KRT8: variants seen among roughly 807,000 people sequenced by gnomAD.
The protein encoded by KRT8 is keratin, type II cytoskeletal 8.
Under a neutral mutation model 43.0 loss-of-function variants are expected in KRT8, and 24 were observed. The observed-to-expected ratio is 0.56, with a 90% CI of 0.40 to 0.78. KRT8 has a LOEUF of 0.78. Among genes scored for constraint, KRT8 ranks in the 30% least tolerant of loss-of-function variants. The pLI, the probability that KRT8 is intolerant of heterozygous loss-of-function variation, is 0.00. For missense variants in KRT8, 492 were observed against 638.4 expected, an observed-to-expected ratio of 0.77 and a Z score of 2.47; for synonymous variants, 214 against 261.2, an observed-to-expected ratio of 0.82 and a Z score of 1.74.
In KRT8 at chr12:52,933,256, C is replaced by T. The variant is rs569308020; in HGVS notation, c.-47+16200G>A. Among the ~76,000 whole-genome samples, 16 of 152,134 alleles carry T rather than the reference C, an allele frequency of 1.1e-4. No homozygotes were observed. The South Asian group carries it at 3.1e-3, about 30-fold the overall frequency. On this transcript the variant is annotated intron_variant, in intron 2 of 6. Transcript: ENST00000546826. Reference sequence around the variant, plus strand: ...CCACCATGCCGGCCTCACAAAATTACGTTTCTATATACTGGCAATGAGAAA... The same window carrying T: ...CCACCATGCCGGCCTCACAAAATTATGTTTCTATATACTGGCAATGAGAAA...
intron 2 of KRT8, among the ~76,000 whole-genome samples, chr12:52,935,378 CAAAAAAAAAA>C (rs71092794): frequency 1.7e-4 from 4 of 23,752 alleles, no homozygotes; most frequent in African/African-American, 7.8e-4. Flanking sequence ...GACTCTGTCT[CAAAAAAAAAA>C]AAAAAAAAAA....
At chr12:52,904,161 A>T (rs2120579322) in intron 1 of KRT8, among the ~76,000 whole-genome samples, 1 of 152,118 alleles carries the variant, frequency 6.6e-6, no homozygotes, top group South Asian at 2.1e-4. Flanking sequence ...AAAATCACAA[A>T]GGCACCACTG....
chr12:52,937,901 G>A (rs2120718853), intron 2 of KRT8, among the ~76,000 whole-genome samples: 1 of 149,916 alleles, frequency 6.7e-6, no homozygotes, highest in Non-Finnish European at 1.5e-5. Context: ...TCGGGAGACT[G>A]AGGCAAGAGA....
At chr12:52,928,214 C>G (rs11613918) in intron 2 of KRT8, among the ~76,000 whole-genome samples, 53,445 of 152,026 alleles carry the variant, frequency 0.35, 9,745 homozygotes, top group Middle Eastern at 0.42. Flanking sequence ...GAAAAGACAG[C>G]AAAGGCTTCA....
chr12:52,938,152 A>ATG (rs1942201444), intron 2 of KRT8, among the ~76,000 whole-genome samples: 3 of 32,486 alleles, frequency 9.2e-5, no homozygotes, highest in East Asian at 2.3e-3. Flanking sequence ...ATATATATAT[A>ATG]TATATATATA....
At chr12:52,916,380 C>T (rs1941740982) in intron 2 of KRT8, among the ~76,000 whole-genome samples, 2 of 152,184 alleles carry the variant, frequency 1.3e-5, no homozygotes, top group Non-Finnish European at 1.5e-5. Context: ...ACTGCATGGG[C>T]GTGAGTCCAA....
chr12:52,927,676 G>A (rs895049206), intron 2 of KRT8, among the ~76,000 whole-genome samples: 1 of 152,202 alleles, frequency 6.6e-6, no homozygotes, highest in African/African-American at 2.4e-5. Flanking sequence ...CTGGGGATGG[G>A]CAGTCCTGAG....
chr12:52,915,126 CT>C (rs1941709744), intron 2 of KRT8, among the ~76,000 whole-genome samples: 1 of 152,184 alleles, frequency 6.6e-6, no homozygotes, highest in Non-Finnish European at 1.5e-5. Flanking sequence ...GTAATCCCAG[CT>C]CTTTGGGAGG....
intron 2 of KRT8, among the ~76,000 whole-genome samples, chr12:52,942,126 T>C (rs1394653519): frequency 1.3e-5 from 2 of 152,306 alleles, no homozygotes; most frequent in Admixed American, 1.3e-4. Flanking sequence ...CAGGTCACTA[T>C]TGGTGGAAGT....
At chr12:52,914,275 G>A (rs1232556540) in intron 2 of KRT8, among the ~76,000 whole-genome samples, 1 of 150,956 alleles carries the variant, frequency 6.6e-6, no homozygotes, top group Middle Eastern at 3.4e-3. Context: ...AGTGGCTCAC[G>A]CCTGTAATCC....
At chr12:52,902,218 T>C (rs539636717) in intron 1 of KRT8, 146 bp from the exon 2 acceptor site, 1 of 655,362 alleles carries the variant, frequency 1.5e-6, no homozygotes, top group African/African-American at 1.8e-5. Flanking sequence ...TCTGGAAAGA[T>C]CACCTATGAC....
chr12:52,926,267 T>A, intron 2 of KRT8: 1 of 683,450 alleles, frequency 1.5e-6, no homozygotes, highest in Non-Finnish European at 2.5e-6. Flanking sequence ...CCCGTTGCCT[T>A]CAGAATAAAG....
rs186936513 is a variant in KRT8, at chr12:52,923,166, G to T, written c.-46-18139C>A. On this transcript the variant is annotated intron_variant, in intron 2 of 6. Transcript: ENST00000546826. ...TAGGATGTGTGATTAAAATCAAAGCGTTCTAAGGTTTATGATGAAAATTAA... is the reference window on the plus strand; with the variant it reads ...TAGGATGTGTGATTAAAATCAAAGCTTTCTAAGGTTTATGATGAAAATTAA... Among the ~76,000 whole-genome samples, 3 of 152,236 alleles carry T rather than the reference G, an allele frequency of 2.0e-5. No individual in the cohort carries two copies. The East Asian group carries it at 5.8e-4, about 29-fold the overall frequency.
intron 1 of KRT8, among the ~76,000 whole-genome samples, chr12:52,903,883 C>T (rs1941441899): frequency 7.1e-6 from 1 of 141,430 alleles, no homozygotes; most frequent in Admixed American, 6.9e-5. Flanking sequence ...CCCCACCCCA[C>T]CCACACCGCC....
exon 5 of KRT8, chr12:52,899,906 T>C: frequency 1.2e-6 from 2 of 1,613,078 alleles, no homozygotes; most frequent in African/African-American, 1.3e-5. Context: ...TCATACTTGA[T>C]CTGGTACATG....
chr12:52,902,079 G>C lies in KRT8; in HGVS notation c.325-7C>G, dbSNP rs146197334. The stretch of plus-strand genomic sequence containing the variant: ...GCTGCTCCAGGAACCGTACCTATAC[G>C]AAGGAGGAGAGAGCAAAAAGGTCTA... On this transcript the variant is annotated splice_region_variant and splice_polypyrimidine_tract_variant and intron_variant, in intron 1 of 7. Coordinates refer to ENST00000692008, the Ensembl canonical transcript of KRT8. 1.6e-5 allele frequency: 25 copies of C among 1,587,996 alleles called. No individual in the cohort carries two copies. Among genetic ancestry groups the C allele is most frequent in the Non-Finnish European group, 2.1e-5 (24 of 1,168,044 alleles).
chr12:52,944,108 A>C (rs549967737), intron 2 of KRT8, among the ~76,000 whole-genome samples: 1 of 152,274 alleles, frequency 6.6e-6, no homozygotes, highest in African/African-American at 2.4e-5. Context: ...CAGCTGCCAA[A>C]GCTCTTCCAG....
rs1434582005 is a variant in KRT8 at position 52,943,770 on chromosome 12, C to T, written c.-47+5686G>A. On this transcript the variant is annotated intron_variant, in intron 2 of 6. Coordinates refer to the KRT8 transcript ENST00000546826. ...CCCCATGCCTCTCCCAAGCTCCAGC[C>T]CTGCTCTCCTAGCTGCTCACAGGAT... 2.6e-5 allele frequency among the ~76,000 whole-genome samples: 4 copies of T among 152,334 alleles called. No individual in the cohort carries two copies. The East Asian group carries it at 7.7e-4, about 29-fold the overall frequency.
At chr12:52,918,086 GAGA>G (rs1469850504) in intron 2 of KRT8, among the ~76,000 whole-genome samples, 37 of 136,056 alleles carry the variant, frequency 2.7e-4, no homozygotes, top group East Asian at 2.1e-4. Context: ...GGAGGAGGAG[GAGA>G]AGAAGAAGAG....
Sources: allele counts gnomAD v4.1 joint callset (sites outside exome capture counted in the v4.1 genomes callset), GRCh38; gene constraint gnomAD v4.1.1; transcripts MANE v1.5; gene names NCBI Gene and HGNC (gene_info 2026-07-23, HGNC 2026-07-21).